Variants in SMPD4 observed in about 807,000 individuals in gnomAD.
The protein encoded by SMPD4 is neutral sphingomyelinase 3.
A neutral mutation model predicts 97.8 loss-of-function variants in SMPD4; 58 were observed. That is an observed-to-expected ratio of 0.59 (90% CI 0.48 to 0.74). SMPD4 has a LOEUF of 0.74. Ranked by LOEUF, SMPD4 falls within the 30% of genes least tolerant of loss-of-function variation. SMPD4 has a pLI of 0.00. For missense variants in SMPD4, 853 were observed against 1,080.5 expected (o/e 0.79, Z 2.95); for synonymous variants, 388 against 450.0 (o/e 0.86, Z 1.74).
intron 1 of SMPD4, among the ~76,000 whole-genome samples, chr2:130,177,167 A>T (rs950559040): frequency 1.3e-5 from 2 of 152,170 alleles, no homozygotes; most frequent in African/African-American, 4.8e-5. Context: ...TGCAACCTCA[A>T]ACTCCTGAGC....
At position 130,172,383 on chromosome 2, in the gene SMPD4, T is replaced by C; in HGVS notation, c.625A>G (p.Ser209Gly). ...EGSVPPPLSS[S>G]PGGTSPSPPP... ...GGTGAGGGGCTGGTCCCCCCTGGGC[T>C]GGAGGAGAGTGGTGGGGGCACACTG... is the stretch of plus-strand genomic sequence containing the variant. Residue 209 changes from serine (S) to glycine (G), a missense_variant, in exon 8 of 20, where the codon AGC becomes GGC. By Grantham distance (56) the Ser-to-Gly change is moderately conservative. Around this residue, in one of 3 missense-constraint regions of SMPD4, gnomAD observed 313 missense variants for 402.2 expected, o/e 0.78. Transcript: ENST00000680298. 6.2e-7 allele frequency: 1 copy of C among 1,608,754 alleles called. No homozygotes were observed. Among genetic ancestry groups the C allele is most frequent in the Non-Finnish European group, 8.5e-7 (1 of 1,177,662 alleles).
Position 130,155,241 on chromosome 2 carries a change from C to A in SMPD4, c.1308G>T (p.Glu436Asp). 1 of 1,614,162 alleles carries A rather than the reference C, an allele frequency of 6.2e-7. No homozygotes were observed. ...ACAACTTGGTGTACATCAGCAGGTTCTCCTGGACAAAGGGTGCCCTGGGGA... is the reference window on the plus strand; with the variant it reads ...ACAACTTGGTGTACATCAGCAGGTTATCCTGGACAAAGGGTGCCCTGGGGA... Reference protein sequence around the residue: ...VSEKWAPFVQENLLMYTKLFV... With the variant: ...VSEKWAPFVQDNLLMYTKLFV... The change falls in exon 15 of 20, where the codon GAG becomes GAT. Residue 436 changes from glutamate to aspartate, a missense_variant. By Grantham distance (45) the Glu-to-Asp change is conservative (BLOSUM62 2). This residue lies in a region of SMPD4 where 511 missense variants were observed against 608.1 expected (regional missense o/e 0.84). Coordinates refer to ENST00000680298, the MANE Select transcript of SMPD4 (RefSeq NM_017951.5).
intron 11 of SMPD4, among the ~76,000 whole-genome samples, chr2:130,160,586 C>A (rs1225902197): frequency 6.6e-6 from 1 of 152,214 alleles, no homozygotes; most frequent in Non-Finnish European, 1.5e-5. Context: ...TGTGTATGAG[C>A]GGCCAGGGCT....
chr2:130,153,292 T>C (rs1403152928), intron 18 of SMPD4, 27 bp downstream of exon 18: 2 of 1,613,434 alleles, frequency 1.2e-6, no homozygotes, highest in Non-Finnish European at 1.7e-6. Flanking sequence ...GCCCAGCCTG[T>C]GCGCCTCTGA....
At chr2:130,168,930 G>A (rs1044671360) in intron 8 of SMPD4, among the ~76,000 whole-genome samples, 3 of 151,918 alleles carry the variant, frequency 2.0e-5, no homozygotes, top group South Asian at 2.1e-4. Context: ...TATGTTGCCT[G>A]AGCTGGTCTC....
upstream of SMPD4, chr2:130,181,738 G>A (rs1047686894): frequency 6.5e-7 from 1 of 1,548,716 alleles, no homozygotes; most frequent in Non-Finnish European, 8.7e-7. Flanking sequence ...CAGGAGTGCG[G>A]GGGAGGGAGT....
Position 130,181,532 on chromosome 2 carries a change from G to C in SMPD4, c.-48C>G, listed in dbSNP as rs769630933. ...GGCGCGCATCCCGCGCCACTCACCTGTGGGATCCATAGCGTCGCTCGCCTC... is the reference window on the plus strand; with the variant it reads ...GGCGCGCATCCCGCGCCACTCACCTCTGGGATCCATAGCGTCGCTCGCCTC... On this transcript the variant is annotated splice_region_variant and 5_prime_UTR_variant, in exon 1 of 20. Coordinates refer to ENST00000680298, the MANE Select transcript of SMPD4 (RefSeq NM_017951.5). The C allele has an allele frequency of 3.1e-6, 5 of 1,604,116 alleles. No individual in the cohort carries two copies. In the South Asian group the frequency reaches 5.6e-5, roughly 18 times the overall value.
chr2:130,167,725 A>T, intron 8 of SMPD4, 135 bp from the exon 9 acceptor site: 1 of 843,390 alleles, frequency 1.2e-6, no homozygotes, highest in Non-Finnish European at 1.8e-6. Context: ...CACAATGCAC[A>T]CCTCCCCCCA....
rs1011846236 is a variant in SMPD4 at position 130,173,681 on chromosome 2, C to G, written c.127-25G>C. 16 of 1,613,470 alleles carry G rather than the reference C, an allele frequency of 9.9e-6. No individual in the cohort carries two copies. In the Middle Eastern group the frequency reaches 6.8e-4, roughly 68 times the overall value. ...CCTGAAACAATGTGTGGTGAAGCCG[C>G]GTGCAGGACCAGCACCCACTCCTGC... On this transcript the variant is annotated intron_variant, in intron 3 of 19. Transcript: ENST00000680298.
In SMPD4 at chr2:130,155,177, C is replaced by T. The variant is rs1686654707; in HGVS notation, c.1372G>A (p.Val458Ile). ...FLNRALRTDLVSPKHALMVFR... is the reference protein window; with the variant it reads ...FLNRALRTDLISPKHALMVFR... ...ACCATGAGCGCGTGCTTGGGGCTGA[C>T]CAGGTCTGTGCGGAGCGCGCGGTTC... The change falls in exon 15 of 20, where the codon GTC (valine) becomes ATC (isoleucine). Residue 458 changes from valine (V) to isoleucine (I), a missense_variant. Physicochemically the swap from Val to Ile is conservative, Grantham distance 29. This residue lies in a region of SMPD4 where 511 missense variants were observed against 608.1 expected (regional missense o/e 0.84). Coordinates refer to ENST00000680298, the MANE Select transcript of SMPD4 (RefSeq NM_017951.5). The T allele has an allele frequency of 6.2e-7, 1 of 1,614,096 alleles. No individual in the cohort carries two copies. Among genetic ancestry groups the T allele is most frequent in the Non-Finnish European group, 8.5e-7 (1 of 1,180,054 alleles).
chr2:130,181,614 A>G, upstream of SMPD4: 1 of 1,593,098 alleles, frequency 6.3e-7, no homozygotes, highest in Non-Finnish European at 8.5e-7. Flanking sequence ...AGCTGCGCGC[A>G]GAGCCACGCC....
chr2:130,159,464 C>A (rs1300115066), intron 11 of SMPD4: 1 of 152,062 alleles, frequency 6.6e-6, no homozygotes, highest in Non-Finnish European at 1.5e-5. Flanking sequence ...TATGGTGAAA[C>A]TACATCTCTA....
intron 11 of SMPD4, chr2:130,158,189 C>G (rs1687022155): frequency 1.6e-6 from 2 of 1,282,082 alleles, no homozygotes; most frequent in South Asian, 2.5e-5. Context: ...CCCACCTGCT[C>G]CTCATCCTGG....
upstream of SMPD4, chr2:130,181,624 C>T (rs1689654020): frequency 7.6e-6 from 12 of 1,581,698 alleles, no homozygotes; most frequent in East Asian, 2.8e-4. Flanking sequence ...AGAGCCACGC[C>T]CCGCGGCCGG....
chr2:130,179,941 CCA>C, intron 1 of SMPD4, among the ~76,000 whole-genome samples: 1 of 151,500 alleles, frequency 6.6e-6, no homozygotes, highest in South Asian at 2.1e-4. Context: ...ACGTGAGTCA[CCA>C]TGCCCGGCCG....
intron 5 of SMPD4, 149 bp downstream of exon 5, chr2:130,173,130 T>C (rs1688637643): frequency 6.9e-6 from 7 of 1,007,786 alleles, no homozygotes; most frequent in Non-Finnish European, 1.1e-5. Context: ...GTAGCAGTCA[T>C]GCAATACCCA....
At position 130,172,910 on chromosome 2, in the gene SMPD4, A is replaced by T. The variant is rs1318017165; in HGVS notation, c.346-15T>A. 3 of 1,603,646 alleles carry T rather than the reference A, an allele frequency of 1.9e-6. No homozygotes were observed. Among genetic ancestry groups the T allele is most frequent in the Middle Eastern group, 1.7e-4 (1 of 5,804 alleles). On this transcript the variant is annotated splice_polypyrimidine_tract_variant and intron_variant, in intron 5 of 19. Transcript: ENST00000680298. ...TTCACAGGACCCTGCAGAGAGAGGC[A>T]GTGAGGCTTGTGGGCAGGTGCTGGT...
chr2:130,171,515 T>G (rs2104893625), intron 8 of SMPD4, among the ~76,000 whole-genome samples: 1 of 152,224 alleles, frequency 6.6e-6, no homozygotes, highest in South Asian at 2.1e-4. Flanking sequence ...TAAGAGGGTG[T>G]GAATCTGCCT....
chr2:130,165,039 G>C (rs750773989), intron 9 of SMPD4, among the ~76,000 whole-genome samples: 3 of 143,318 alleles, frequency 2.1e-5, no homozygotes, highest in Non-Finnish European at 3.0e-5. Context: ...GTGCCCAGGA[G>C]TTTGAGACTG....
Sources: gnomAD v4.1 joint callset for allele counts (sites outside exome capture counted in the v4.1 genomes callset) on GRCh38, gnomAD v4.1.1 for gene constraint, gnomAD v4.1.1 regional missense constraint, MANE v1.5 for transcripts, NCBI Gene and HGNC (gene_info 2026-07-23, HGNC 2026-07-21) for gene names.